Variants in MGST2 observed in about 807,000 individuals in gnomAD.
MGST2 encodes the protein microsomal glutathione S-transferase 2, also known as glutathione peroxidase MGST2.
In MGST2, 9 loss-of-function variants were observed where a neutral mutation model predicts 16.6. That is an observed-to-expected ratio of 0.54 (90% confidence interval 0.33 to 0.95). The LOEUF (loss-of-function observed/expected upper bound fraction) is 0.95. Ranked by LOEUF, MGST2 falls within the 40% of genes least tolerant of loss-of-function variation. The pLI, the probability that MGST2 is intolerant of heterozygous loss-of-function variation, is 0.03. For missense variants in MGST2, 159 were observed against 175.1 expected (o/e 0.91, Z 0.52); for synonymous variants, 79 against 68.0 (o/e 1.16, Z -0.79).
At chr4:139,736,674 C>G (rs947209678) in intron 5 of MGST2, among the ~76,000 whole-genome samples, 1 of 152,128 alleles carries the variant, frequency 6.6e-6, no homozygotes, top group African/African-American at 2.4e-5. Flanking sequence ...AAGTGTGGTT[C>G]CAGGATCAAA....
At chr4:139,675,005 C>T (rs953057464) in intron 1 of MGST2, among the ~76,000 whole-genome samples, 3 of 152,120 alleles carry the variant, frequency 2.0e-5, no homozygotes, top group Admixed American at 1.3e-4. Flanking sequence ...CCTCAGTTCC[C>T]GCTTAGCTGA....
chr4:139,730,654 A>G (rs754345171), intron 5 of MGST2: 6 of 1,612,336 alleles, frequency 3.7e-6, no homozygotes, highest in Non-Finnish European at 5.1e-6. Context: ...GGGAAGTCCA[A>G]CTGGATGCTG....
Position 139,665,944 on chromosome 4 carries a change from TAAGG to T in MGST2, c.-71_-68del. 6.9e-7 allele frequency: 1 copy of T among 1,458,682 alleles called. No homozygotes were observed. Among genetic ancestry groups the T allele is most frequent in the East Asian group, 2.3e-5 (1 of 44,072 alleles). 90.4% of individuals were successfully genotyped at this position (1,458,682 alleles called of 1,614,324 possible). Reference sequence around the variant, plus strand: ...CCGGTCCCCAACTTTGTTTACCCGATAAGGAAGGTCAGCATTCAAAGTCAAGAAG... The same window carrying T: ...CCGGTCCCCAACTTTGTTTACCCGATAAGGTCAGCATTCAAAGTCAAGAAG... On this transcript the variant is annotated 5_prime_UTR_variant, in exon 1 of 5. Transcript: ENST00000265498.
At chr4:139,667,466 C>CCGGGT in intron 1 of MGST2, among the ~76,000 whole-genome samples, 1 of 130,068 alleles carries the variant, frequency 7.7e-6, no homozygotes, top group East Asian at 2.2e-4. Context: ...TGAACTGGGG[C>CCGGGT]CAGAATGTTA....
At chr4:139,748,635 C>T in the MGST2 span, among the ~76,000 whole-genome samples, 27 of 140,480 alleles carry the variant, frequency 1.9e-4, 1 homozygote, top group Admixed American at 5.2e-4. Context: ...TGAGGTTCAG[C>T]TTGACCACAG....
chr4:139,710,377 G>A (rs1727689501), intron 5 of MGST2, among the ~76,000 whole-genome samples: 1 of 152,214 alleles, frequency 6.6e-6, no homozygotes, highest in Non-Finnish European at 1.5e-5. Context: ...ATAAAGGTCA[G>A]TAAGATTACA....
chr4:139,697,881 C>T (rs1278772450), intron 3 of MGST2, among the ~76,000 whole-genome samples: 1 of 151,840 alleles, frequency 6.6e-6, no homozygotes, highest in Non-Finnish European at 1.5e-5. Context: ...AAAGTTGAAC[C>T]GCTGAAACTT....
At chr4:139,751,599 G>C in the MGST2 span, among the ~76,000 whole-genome samples, 1 of 152,144 alleles carries the variant, frequency 6.6e-6, no homozygotes. Context: ...CAGCTTTTCC[G>C]ATTAGGGATG....
chr4:139,722,779 C>A (rs905585703), intron 5 of MGST2, among the ~76,000 whole-genome samples: 16 of 152,160 alleles, frequency 1.1e-4, no homozygotes, highest in Admixed American at 9.2e-4. Flanking sequence ...GCAAGTTATA[C>A]CTAACAAAAC....
In MGST2 at chr4:139,679,204, G is replaced by A. The variant is rs373138167; in HGVS notation, c.158+562G>A. ...GTTCCACCATAAACACCGTGAACTT[G>A]CCTGCTGCAGGAATGCTAGGGCGTA... On this transcript the variant is annotated intron_variant, in intron 2 of 4. Transcript: ENST00000265498. 9.6e-5 allele frequency: 15 copies of A among 156,640 alleles called. No homozygotes were observed. In the South Asian group the frequency reaches 1.5e-3, roughly 16 times the overall value. 9.7% of individuals were successfully genotyped at this position (156,640 alleles called of 1,614,324 possible).
chr4:139,666,209 G>A (rs1730342193), intron 1 of MGST2, 132 bp downstream of exon 1: 3 of 934,300 alleles, frequency 3.2e-6, no homozygotes, highest in Non-Finnish European at 5.1e-6. Context: ...CTTGCAGGTA[G>A]CTCTGGGTCC....
rs984441997 is a variant in MGST2, at chr4:139,715,326, T to A, written c.*48+11130T>A. Among the ~76,000 whole-genome samples, 1 of 152,282 alleles carries A rather than the reference T, an allele frequency of 6.6e-6. No homozygotes were observed. The highest frequency in any genetic ancestry group is 1.9e-4 in the East Asian group (1 of 5,178). On this transcript the variant is annotated intron_variant, in intron 5 of 5. Coordinates refer to the MGST2 transcript ENST00000616265. The surrounding 1 kb of genome is among the most constrained non-coding windows in gnomAD (Gnocchi z 4.4). ...ATCGTCCCATCGTTCTCCAGAAATA[T>A]GTTAGAGGACTCCAATACTTACCCA...
intron 2 of MGST2, 123 bp from the exon 3 acceptor site, chr4:139,695,074 A>T (rs1397520367): frequency 8.5e-6 from 6 of 706,466 alleles, no homozygotes; most frequent in Non-Finnish European, 1.5e-5. Flanking sequence ...AGGTCATTTA[A>T]ACTCTTTTGT....
downstream of MGST2, among the ~76,000 whole-genome samples, chr4:139,705,970 C>T (rs867377558): frequency 2.6e-5 from 4 of 152,176 alleles, no homozygotes; most frequent in Admixed American, 6.5e-5. Context: ...GCATACATAA[C>T]ACATTTTGAC....
chr4:139,716,013 G>A (rs993199707), intron 5 of MGST2, among the ~76,000 whole-genome samples: 7 of 152,090 alleles, frequency 4.6e-5, no homozygotes, highest in African/African-American at 1.7e-4. Context: ...CGCTTGCCTT[G>A]CCCTCCCAAA....
At chr4:139,750,250 A>G in the MGST2 span, among the ~76,000 whole-genome samples, 1 of 152,212 alleles carries the variant, frequency 6.6e-6, no homozygotes, top group Non-Finnish European at 1.5e-5. Flanking sequence ...AAGGGGTGAC[A>G]ATTCCCCAGT....
At chr4:139,699,727 A>G (rs1399293700) in intron 3 of MGST2, among the ~76,000 whole-genome samples, 1 of 152,222 alleles carries the variant, frequency 6.6e-6, no homozygotes, top group Non-Finnish European at 1.5e-5. Flanking sequence ...GAGGACACAG[A>G]ATGAAAAATT....
intron 1 of MGST2, among the ~76,000 whole-genome samples, chr4:139,677,120 GT>G (rs1200032132): frequency 1.3e-5 from 2 of 152,052 alleles, no homozygotes; most frequent in East Asian, 3.8e-4. Context: ...ACCATAACCT[GT>G]TTTTTTGGCC....
intron 2 of MGST2, among the ~76,000 whole-genome samples, chr4:139,691,670 G>GATT (rs1560747673): frequency 2.0e-3 from 236 of 119,944 alleles, no homozygotes; most frequent in African/African-American, 9.7e-3. Context: ...GCAGTCAGAT[G>GATT]ATGATGATGA....
Sources: gnomAD v4.1 joint callset for allele counts (sites outside exome capture counted in the v4.1 genomes callset) on GRCh38, gnomAD v4.1.1 for gene constraint, Gnocchi (gnomAD v3.1) non-coding constraint, MANE v1.5 for transcripts, NCBI Gene and HGNC (gene_info 2026-07-23, HGNC 2026-07-21) for gene names.